DMC1: variants seen among roughly 807,000 people sequenced by gnomAD.
DMC1 encodes meiotic recombination protein DMC1 homolog.
Under a neutral mutation model 50.1 loss-of-function variants are expected in DMC1, and 27 were observed. The ratio of observed to expected loss-of-function variants is 0.54; its 90% confidence interval spans 0.40 to 0.74. The LOEUF is 0.74. Among genes scored for constraint, DMC1 ranks in the 30% least tolerant of loss-of-function variants. DMC1 has a pLI of 0.00. For synonymous variants in DMC1, 148 were observed against 136.1 expected (o/e 1.09, Z -0.61); for missense variants, 295 against 420.2 (o/e 0.70, Z 2.60).
rs1478515582 is a variant in DMC1, at chr22:38,569,118, AG to A, written c.-33-830del. On this transcript the variant is annotated intron_variant, in intron 1 of 13. Transcript: ENST00000216024. ...AGAATCGCTTGAACCTGGGAGGCGG[AG>A]GTTGCACTGAGCCGAGATCATGCCA... Among the ~76,000 whole-genome samples the A allele has an allele frequency of 3.3e-5, 5 of 149,950 alleles. No homozygotes were observed. The Admixed American group carries it at 3.4e-4, about 10-fold the overall frequency.
intron 12 of DMC1, among the ~76,000 whole-genome samples, chr22:38,533,350 C>T (rs371467110): frequency 1.4e-5 from 2 of 144,362 alleles, no homozygotes; most frequent in Admixed American, 7.2e-5. Flanking sequence ...GAGCCGAGAT[C>T]GCGCCATTGC....
In DMC1 at chr22:38,552,675, T is replaced by C; in HGVS notation, c.412A>G (p.Thr138Ala). The change falls in exon 7 of 14, where the codon ACC becomes GCC. Residue 138 changes from threonine to alanine, a missense_variant. Coordinates refer to ENST00000216024, the MANE Select transcript of DMC1 (RefSeq NM_007068.4). ...TGTTATATATCCTTACCACAGAGGG[T>C]ATGAGAAAGCTGGGTTTTTCCAGTA... Reference protein sequence around the residue: ...FRTGKTQLSHTLCVTAQLPGA... With the variant: ...FRTGKTQLSHALCVTAQLPGA... The C allele has an allele frequency of 6.3e-7, 1 of 1,592,190 alleles. No individual in the cohort carries two copies. The highest frequency in any genetic ancestry group is 8.6e-7 in the Non-Finnish European group (1 of 1,160,326).
intron 7 of DMC1, among the ~76,000 whole-genome samples, chr22:38,552,216 C>A (rs6001153): frequency 0.029 from 4,482 of 152,238 alleles, 213 homozygotes; most frequent in African/African-American, 0.1. Flanking sequence ...CAAAGAAATG[C>A]ACAGTAGTGT....
intron 12 of DMC1, among the ~76,000 whole-genome samples, chr22:38,530,187 G>C (rs1221082534): frequency 2.0e-5 from 3 of 151,946 alleles, no homozygotes; most frequent in East Asian, 1.9e-4. Flanking sequence ...GGCTGGTCTC[G>C]AACTCCTGAC....
chr22:38,562,327 T>TA lies in DMC1; in HGVS notation c.285_286insT (p.Lys96Ter). The TA allele has an allele frequency of 6.2e-7, 1 of 1,613,046 alleles. No individual in the cohort carries two copies. Among genetic ancestry groups the TA allele is most frequent in the Non-Finnish European group, 8.5e-7 (1 of 1,179,262 alleles). ...CCGGTGGTGATATGGAAAACCATTT[T>TA]CCTCTTTTCACTATACTCAAATGCA... On this transcript the variant is annotated frameshift_variant, in exon 5 of 14. Coordinates refer to ENST00000216024, the MANE Select transcript of DMC1 (RefSeq NM_007068.4). LOFTEE classifies it high-confidence loss of function.
intron 8 of DMC1, among the ~76,000 whole-genome samples, chr22:38,548,691 T>G (rs1013372544): frequency 1.3e-5 from 2 of 152,098 alleles, no homozygotes; most frequent in Non-Finnish European, 2.9e-5. Flanking sequence ...CTGGCCAACA[T>G]GGCGAAACCC....
chr22:38,557,468 G>A (rs2145974130), intron 5 of DMC1, among the ~76,000 whole-genome samples: 1 of 152,208 alleles, frequency 6.6e-6, no homozygotes, highest in South Asian at 2.1e-4. Flanking sequence ...CACTTTGGGA[G>A]GCCGAGGGAG....
At chr22:38,553,076 G>T (rs2090430424) in intron 6 of DMC1, among the ~76,000 whole-genome samples, 1 of 151,656 alleles carries the variant, frequency 6.6e-6, no homozygotes, top group African/African-American at 2.4e-5. Context: ...TCAAACTCCT[G>T]AACTCAGGTG....
downstream of DMC1, among the ~76,000 whole-genome samples, chr22:38,514,657 T>C (rs936974179): frequency 6.6e-6 from 1 of 152,194 alleles, no homozygotes; most frequent in African/African-American, 2.4e-5. Context: ...GCAATGAAAG[T>C]GACCTCTGGT....
chr22:38,556,762 T>C (rs2090472680), intron 5 of DMC1, among the ~76,000 whole-genome samples: 1 of 152,206 alleles, frequency 6.6e-6, no homozygotes, highest in South Asian at 2.1e-4. Flanking sequence ...TTTTTTGGGA[T>C]GTGATCACAG....
At chr22:38,542,058 T>A (rs1333749894) in intron 8 of DMC1, among the ~76,000 whole-genome samples, 1 of 146,516 alleles carries the variant, frequency 6.8e-6, no homozygotes, top group Admixed American at 7.0e-5. Context: ...AGAAGGAACA[T>A]AACCCAACAT....
At chr22:38,566,473 T>C (rs2090582144) in intron 4 of DMC1, 117 bp downstream of exon 4, 3 of 1,099,298 alleles carry the variant, frequency 2.7e-6, no homozygotes, top group Non-Finnish European at 4.1e-6. Context: ...GGGAGTATAA[T>C]ATACTGTGAT....
At chr22:38,549,903 C>A (rs758329915) in intron 8 of DMC1, 22 bp downstream of exon 8, 2 of 1,569,304 alleles carry the variant, frequency 1.3e-6, no homozygotes, top group Non-Finnish European at 1.8e-6. Flanking sequence ...ATTATGTTAG[C>A]AACTTTAAAT....
At chr22:38,509,559 A>G in the DMC1 span, among the ~76,000 whole-genome samples, 138,560 of 152,246 alleles carry the variant, frequency 0.91, 63,504 homozygotes, top group Non-Finnish European at 0.96. Flanking sequence ...TAAACCATCA[A>G]TGTACATTGT....
In DMC1 at chr22:38,530,309, G is replaced by A. The variant is rs142848178; in HGVS notation, c.836+7283C>T. Among the ~76,000 whole-genome samples the A allele has an allele frequency of 3.0e-3, 454 of 151,806 alleles. 6 individuals carry two copies. Among genetic ancestry groups the A allele is most frequent in the African/African-American group, 0.011 (445 of 41,372 alleles). On this transcript the variant is annotated intron_variant, in intron 12 of 13. Coordinates refer to ENST00000216024, the MANE Select transcript of DMC1 (RefSeq NM_007068.4). Reference sequence around the variant, plus strand: ...GGAAGATGGGGGAAAGGGGAGTACCGCCAAAGAAGAATTTTGAGGAAAGAG... The same window carrying A: ...GGAAGATGGGGGAAAGGGGAGTACCACCAAAGAAGAATTTTGAGGAAAGAG...
At chr22:38,517,594 A>C (rs1427760975), downstream of DMC1, among the ~76,000 whole-genome samples, 1 of 149,422 alleles carries the variant, frequency 6.7e-6, no homozygotes, top group Non-Finnish European at 1.5e-5. Context: ...AACAAAAAAC[A>C]AAACAAAACA....
In DMC1 at chr22:38,519,923, G is replaced by GA. The variant is rs898141334; in HGVS notation, c.*96dup. On this transcript the variant is annotated 3_prime_UTR_variant, in exon 14 of 14. Transcript: ENST00000216024. Reference sequence around the variant, plus strand: ...CTGACTTTTCTTTAGTAACATGTGGGAAAAAACCTCTATTTCAAGATGTGA... The same window carrying GA: ...CTGACTTTTCTTTAGTAACATGTGGGAAAAAAACCTCTATTTCAAGATGTGA... 5.2e-5 allele frequency: 53 copies of GA among 1,009,998 alleles called. No homozygotes were observed. In the African/African-American group the frequency reaches 8.1e-4, roughly 15 times the overall value. The allele number at this position is 1,009,998 out of a possible 1,614,324, so 62.6% of individuals were successfully genotyped here.
chr22:38,563,848 T>C (rs1039621354), intron 4 of DMC1, among the ~76,000 whole-genome samples: 1 of 152,000 alleles, frequency 6.6e-6, no homozygotes, highest in Non-Finnish European at 1.5e-5. Flanking sequence ...TACAGGCGCC[T>C]GCCACCACAC....
chr22:38,552,550 T>C (rs2090423923), intron 7 of DMC1, 116 bp downstream of exon 7: 1 of 827,444 alleles, frequency 1.2e-6, no homozygotes, highest in Non-Finnish European at 2.0e-6. Context: ...TGCCTGTGTT[T>C]TAGTTTCCTT....
Sources: allele counts gnomAD v4.1 joint callset (sites outside exome capture counted in the v4.1 genomes callset), GRCh38; gene constraint gnomAD v4.1.1; transcripts MANE v1.5; gene names NCBI Gene and HGNC (gene_info 2026-07-23, HGNC 2026-07-21).